The following CNTNAP2 variants were observed in gnomAD, a reference collection of about 807,000 sequenced individuals.
The protein encoded by CNTNAP2 is contactin associated protein 2.
Under a neutral mutation model 155.2 loss-of-function variants are expected in CNTNAP2, and 98 were observed. The ratio of observed to expected loss-of-function variants is 0.63; its 90% CI spans 0.54 to 0.75. CNTNAP2 has a LOEUF of 0.75. Ranked by LOEUF, CNTNAP2 falls within the 30% of genes least tolerant of loss-of-function variation. CNTNAP2 has a pLI of 0.00. For missense variants in CNTNAP2, 1,727 were observed against 1,688.1 expected, an observed-to-expected ratio of 1.02 and a Z score of -0.40; for synonymous variants, 651 against 631.2, an observed-to-expected ratio of 1.03 and a Z score of -0.47.
intron 2 of CNTNAP2, among the ~76,000 whole-genome samples, chr7:146,780,849 CA>C (rs1192654439): frequency 6.6e-6 from 1 of 152,022 alleles, no homozygotes; most frequent in African/African-American, 2.4e-5. Flanking sequence ...GGGACGGGAA[CA>C]TAACACACCG....
chr7:146,720,952 C>CTA lies in CNTNAP2; in HGVS notation c.98-53310_98-53309dup, dbSNP rs796077488. Among the ~76,000 whole-genome samples, 27 of 126,020 alleles carry CTA rather than the reference C, an allele frequency of 2.1e-4. No homozygotes were observed. The South Asian group carries it at 5.5e-3, about 25-fold the overall frequency. 82.7% of individuals were successfully genotyped at this position (126,020 alleles called of 152,430 possible). A position where few individuals can be genotyped will look rare whatever the true frequency, so the allele number is the denominator to read the frequency against. On this transcript the variant is annotated intron_variant, in intron 1 of 23. Coordinates refer to ENST00000361727, the MANE Select transcript of CNTNAP2 (RefSeq NM_014141.6). Reference sequence around the variant, plus strand: ...TATATATATACTTTCTCTATATATTCTATATATATACAGTATATATATAGA... The same window carrying CTA: ...TATATATATACTTTCTCTATATATTCTATATATATATACAGTATATATATAGA...
intron 12 of CNTNAP2, among the ~76,000 whole-genome samples, chr7:147,633,333 T>C (rs1795121187): frequency 6.6e-6 from 1 of 152,312 alleles, no homozygotes; most frequent in Non-Finnish European, 1.5e-5. Context: ...TGCCTGGATG[T>C]CTAAACAGAA....
chr7:147,484,636 C>A (rs970091872), intron 10 of CNTNAP2, among the ~76,000 whole-genome samples: 1 of 152,208 alleles, frequency 6.6e-6, no homozygotes, highest in African/African-American at 2.4e-5. Context: ...GAACAGCAAG[C>A]TACTCAGAGC....
chr7:146,860,436 A>T (rs1795075195), intron 3 of CNTNAP2, among the ~76,000 whole-genome samples: 1 of 152,260 alleles, frequency 6.6e-6, no homozygotes, highest in African/African-American at 2.4e-5. Flanking sequence ...TGAGAGGACA[A>T]AGGCATTTCC....
intron 1 of CNTNAP2, among the ~76,000 whole-genome samples, chr7:146,657,547 T>C (rs1037085448): frequency 4.6e-5 from 7 of 152,164 alleles, no homozygotes; most frequent in Non-Finnish European, 1.0e-4. Context: ...TGTCTCTCTG[T>C]TTCTCTCTTT....
chr7:146,320,213 AT>A (rs1437083598), intron 1 of CNTNAP2, among the ~76,000 whole-genome samples: 3 of 152,126 alleles, frequency 2.0e-5, no homozygotes, highest in Non-Finnish European at 4.4e-5. Flanking sequence ...CATATATTTA[AT>A]TTTGAATTTT....
intron 9 of CNTNAP2, among the ~76,000 whole-genome samples, chr7:147,372,065 T>C (rs1796357222): frequency 1.3e-5 from 2 of 152,058 alleles, no homozygotes; most frequent in Non-Finnish European, 2.9e-5. Flanking sequence ...CACAACACAG[T>C]GACAGTAGGC....
intron 12 of CNTNAP2, among the ~76,000 whole-genome samples, chr7:147,595,015 A>G (rs1019037341): frequency 6.6e-6 from 1 of 152,178 alleles, no homozygotes; most frequent in Admixed American, 6.5e-5. Context: ...AAAGGATAGC[A>G]GAGAGAGGAA....
At chr7:147,853,186 T>C (rs1300702144) in intron 13 of CNTNAP2, among the ~76,000 whole-genome samples, 2 of 152,220 alleles carry the variant, frequency 1.3e-5, no homozygotes, top group East Asian at 3.8e-4. Flanking sequence ...CAGTCTCCAT[T>C]TATATTCAAT....
Position 148,114,558 on chromosome 7 carries a change from C to T in CNTNAP2, c.2384-3560C>T, listed in dbSNP as rs1280545538. On this transcript the variant is annotated intron_variant, in intron 15 of 23. Transcript: ENST00000361727. ...AATAATAACTCTTTGCATCCAGAAG[C>T]GCTATCAGCACTGGAAAAGGCACGC... Among the ~76,000 whole-genome samples the T allele has an allele frequency of 4.6e-5, 7 of 152,176 alleles. No homozygotes were observed. The East Asian group carries it at 7.7e-4, about 17-fold the overall frequency.
chr7:146,508,148 G>A (rs1797412697), intron 1 of CNTNAP2, among the ~76,000 whole-genome samples: 1 of 152,194 alleles, frequency 6.6e-6, no homozygotes, highest in African/African-American at 2.4e-5. Flanking sequence ...TGCACTATCT[G>A]CACCTCCTCT....
At chr7:146,669,944 T>A (rs1800271896) in intron 1 of CNTNAP2, among the ~76,000 whole-genome samples, 1 of 152,156 alleles carries the variant, frequency 6.6e-6, no homozygotes. Flanking sequence ...CCTTTCAAAC[T>A]CTCTGGAGAG....
intron 1 of CNTNAP2, among the ~76,000 whole-genome samples, chr7:146,683,881 T>G (rs57081771): frequency 0.11 from 17,139 of 152,160 alleles, 1,474 homozygotes; most frequent in African/African-American, 0.24. Context: ...TGTGTAGAAC[T>G]GAGGCTCTTA....
intron 1 of CNTNAP2, among the ~76,000 whole-genome samples, chr7:146,402,508 C>T (rs375371349): frequency 5.3e-5 from 8 of 152,066 alleles, no homozygotes; most frequent in Non-Finnish European, 8.8e-5. Flanking sequence ...ATGCTACAGA[C>T]GAACTTATGT....
intron 9 of CNTNAP2, among the ~76,000 whole-genome samples, chr7:147,312,059 A>G (rs924101389): frequency 1.3e-5 from 2 of 152,034 alleles, no homozygotes; most frequent in African/African-American, 4.8e-5. Flanking sequence ...AGTTTTTAAA[A>G]AGATCAGATT....
At chr7:148,306,989 C>T (rs944849139) in intron 21 of CNTNAP2, among the ~76,000 whole-genome samples, 1 of 152,136 alleles carries the variant, frequency 6.6e-6, no homozygotes, top group African/African-American at 2.4e-5. Context: ...CCTGATGTTG[C>T]ATCACTGAGA....
chr7:148,204,647 A>C (rs1194199587), intron 18 of CNTNAP2, among the ~76,000 whole-genome samples: 2 of 152,146 alleles, frequency 1.3e-5, no homozygotes, highest in African/African-American at 4.8e-5. Context: ...CAAAGATTCC[A>C]TTGTGTTTTT....
chr7:147,612,934 T>C (rs10244311), intron 12 of CNTNAP2, among the ~76,000 whole-genome samples: 104,001 of 151,964 alleles, frequency 0.68, 36,022 homozygotes, highest in African/African-American at 0.78. Context: ...CAACTTATTT[T>C]CCACTCTTGT....
chr7:148,284,163 C>A (rs1000152324), intron 21 of CNTNAP2, among the ~76,000 whole-genome samples: 5 of 152,182 alleles, frequency 3.3e-5, no homozygotes, highest in Non-Finnish European at 7.3e-5. Flanking sequence ...GTTCATGGAG[C>A]GTTACAGTTT....
Sources: allele counts gnomAD v4.1 joint callset (sites outside exome capture counted in the v4.1 genomes callset), GRCh38; gene constraint gnomAD v4.1.1; transcripts MANE v1.5; gene names NCBI Gene and HGNC (gene_info 2026-07-23, HGNC 2026-07-21).